HCFC1R1: variants seen among roughly 807,000 people sequenced by gnomAD.
HCFC1R1 encodes host cell factor C1 regulator 1, also known as HCF-1 beta-propeller-interacting protein.
A neutral mutation model predicts 13.3 loss-of-function variants in HCFC1R1; 17 were observed. The observed-to-expected ratio is 1.28, with a 90% CI of 0.87 to 1.91. The LOEUF (loss-of-function observed/expected upper bound fraction) is 1.91, where lower values mean the gene tolerates loss of function less well. Ranked by LOEUF, HCFC1R1 falls within the 40% of genes most tolerant of loss-of-function variation. The probability of loss-of-function intolerance (pLI) is 0.00; values close to 1 mark genes in which losing one functional copy is unlikely to be tolerated. For synonymous variants in HCFC1R1, 87 were observed against 71.1 expected (o/e 1.22, Z -1.12); for missense variants, 218 against 177.9 (o/e 1.23, Z -1.28).
At chr16:3,024,042 C>T, upstream of HCFC1R1, 2 of 979,172 alleles carry the variant, frequency 2.0e-6, no homozygotes, top group Middle Eastern at 2.5e-4. Context: ...GGCACAGCCG[C>T]GAGGTTCTGC....
rs2151129178 is a variant in HCFC1R1, at chr16:3,023,063, G to A, written c.282-65C>T. 3 of 1,559,762 alleles carry A rather than the reference G, an allele frequency of 1.9e-6. No individual in the cohort carries two copies. The South Asian group carries it at 3.6e-5, about 19-fold the overall frequency. ...TGGCCTAGCTGAGCACCTCCCACCAGGTCCAGGTCCCCAGGGGCTCCTGGG... is the reference window on the plus strand; with the variant it reads ...TGGCCTAGCTGAGCACCTCCCACCAAGTCCAGGTCCCCAGGGGCTCCTGGG... On this transcript the variant is annotated intron_variant, in intron 3 of 3. Transcript: ENST00000248089.
upstream of HCFC1R1, chr16:3,024,084 A>C: frequency 1.3e-6 from 1 of 767,528 alleles, no homozygotes; most frequent in Admixed American, 2.8e-5. Flanking sequence ...CGCGTGGCGG[A>C]AGGCAGGCTT....
chr16:3,022,927 C>T lies in HCFC1R1; in HGVS notation c.353G>A (p.Arg118Lys), dbSNP rs776164395. The change falls in exon 4 of 4, where the codon AGG becomes AAG. Residue 118 changes from arginine (R) to lysine (K), a missense_variant. Coordinates refer to ENST00000248089, the MANE Select transcript of HCFC1R1 (RefSeq NM_017885.4). ...SLIPEALRLLRLGDTPSPPYP... is the reference protein window; with the variant it reads ...SLIPEALRLLKLGDTPSPPYP... ...GGGGGGACTGGGGGTGTCCCCCAGC[C>T]TCAGCAGACGGAGGGCCTCAGGGAT... 5.7e-6 allele frequency: 9 copies of T among 1,572,306 alleles called. No homozygotes were observed. Among genetic ancestry groups the T allele is most frequent in the Non-Finnish European group, 6.9e-6 (8 of 1,167,868 alleles).
At chr16:3,023,433 C>G in intron 2 of HCFC1R1, 41 bp downstream of exon 2, 5 of 1,613,900 alleles carry the variant, frequency 3.1e-6, no homozygotes, top group Non-Finnish European at 4.2e-6. Context: ...CCAGAGGTGA[C>G]AGAGATCTTG....
At chr16:3,023,570 G>A in intron 1 of HCFC1R1, 40 bp from the exon 2 acceptor site, 1 of 1,528,026 alleles carries the variant, frequency 6.5e-7, no homozygotes, top group Non-Finnish European at 8.8e-7. Flanking sequence ...CACCCTCTTG[G>A]CCCCTTCCCA....
upstream of HCFC1R1, chr16:3,024,216 C>T: frequency 1.4e-6 from 2 of 1,390,268 alleles, no homozygotes; most frequent in Non-Finnish European, 1.0e-6. Context: ...ACGCACCAGC[C>T]ACCTTCGCGC....
chr16:3,022,809 GTC>G lies in HCFC1R1; in HGVS notation c.*52_*53del, dbSNP rs1187896025. The G allele has an allele frequency of 1.1e-5, 15 of 1,424,540 alleles. No homozygotes were observed. The highest frequency in any genetic ancestry group is 1.4e-5 in the Non-Finnish European group (15 of 1,088,208). The allele number at this position is 1,424,540 out of a possible 1,614,324, so 88.2% of individuals were successfully genotyped here. A position where few individuals can be genotyped will look rare whatever the true frequency, so the allele number is the denominator to read the frequency against. ...CCTTGTCCCTTTGCGGGAGTCGCTG[GTC>G]TCTTCTGTTGTGGGGAAGAAGGAAG... is the stretch of plus-strand genomic sequence containing the variant. On this transcript the variant is annotated 3_prime_UTR_variant, in exon 4 of 4. Coordinates refer to ENST00000248089, the MANE Select transcript of HCFC1R1 (RefSeq NM_017885.4).
rs1323622656 is a variant in HCFC1R1, at chr16:3,022,862, C to T, written c.*1G>A. The T allele has an allele frequency of 6.5e-7, 1 of 1,527,154 alleles. No individual in the cohort carries two copies. The highest frequency in any genetic ancestry group is 8.7e-7 in the Non-Finnish European group (1 of 1,149,278). The allele number at this position is 1,527,154 out of a possible 1,614,324, so 94.6% of individuals were successfully genotyped here. Reference sequence around the variant, plus strand: ...GTGGGAGGGGCACTGTCCACCAGCACTCAGAGCTCCATTATGTCCCCAGCT... The same window carrying T: ...GTGGGAGGGGCACTGTCCACCAGCATTCAGAGCTCCATTATGTCCCCAGCT... On this transcript the variant is annotated 3_prime_UTR_variant, in exon 4 of 4. Transcript: ENST00000248089.
chr16:3,022,933 A>C lies in HCFC1R1; in HGVS notation c.347T>G (p.Leu116Arg). The C allele has an allele frequency of 6.4e-7, 1 of 1,574,460 alleles. No homozygotes were observed. Among genetic ancestry groups the C allele is most frequent in the Non-Finnish European group, 8.6e-7 (1 of 1,168,466 alleles). The change falls in exon 4 of 4, where the codon CTG becomes CGG. Residue 116 changes from leucine to arginine, a missense_variant. Physicochemically the swap from Leu to Arg is moderately radical, Grantham distance 102 (BLOSUM62 -2). Transcript: ENST00000248089. ...ACTGGGGGTGTCCCCCAGCCTCAGC[A>C]GACGGAGGGCCTCAGGGATGAGGCT... The part of the protein sequence containing the change: ...PGSLIPEALR[L>R]LRLGDTPSPP...
chr16:3,023,384 C>T (rs751989333), intron 2 of HCFC1R1, 23 bp from the exon 3 acceptor site: 2 of 1,612,478 alleles, frequency 1.2e-6, no homozygotes, highest in East Asian at 4.5e-5. Context: ...GGCAGAGAGG[C>T]AGGCTGGGAT....
upstream of HCFC1R1, chr16:3,024,204 G>A (rs2072717583): frequency 5.6e-6 from 7 of 1,255,424 alleles, no homozygotes; most frequent in African/African-American, 3.0e-5. Context: ...GTTCGGGACG[G>A]TACGCACCAG....
rs2151128341 is a variant in HCFC1R1, at chr16:3,022,651, GT to G, written c.*211del. The G allele has an allele frequency of 2.3e-6, 1 of 438,242 alleles. No homozygotes were observed. Among genetic ancestry groups the G allele is most frequent in the Admixed American group, 4.5e-5 (1 of 22,020 alleles). 27.1% of individuals were successfully genotyped at this position (438,242 alleles called of 1,614,324 possible). On this transcript the variant is annotated 3_prime_UTR_variant, in exon 4 of 4. Transcript: ENST00000248089. The stretch of plus-strand genomic sequence containing the variant: ...TCCTTTGCTCAGCAATCTTTATTCA[GT>G]TCTTCTTGGGGGTGGGATGCCTCCC...
Position 3,022,742 on chromosome 16 carries a change from G to C in HCFC1R1, c.*121C>G, listed in dbSNP as rs2072636889. The C allele has an allele frequency of 2.2e-6, 2 of 903,374 alleles. No homozygotes were observed. Among genetic ancestry groups the C allele is most frequent in the Non-Finnish European group, 3.1e-6 (2 of 638,456 alleles). 56.0% of individuals were successfully genotyped at this position (903,374 alleles called of 1,614,324 possible). ...GGCTCAGTGTCCTCTGTTGAGGGAA[G>C]GTCTTGGTGCCCAGATGCCTACTCT... On this transcript the variant is annotated 3_prime_UTR_variant, in exon 4 of 4. Coordinates refer to ENST00000248089, the MANE Select transcript of HCFC1R1 (RefSeq NM_017885.4).
At chr16:3,023,983 A>C (rs1032873739), upstream of HCFC1R1, 11 of 1,435,010 alleles carry the variant, frequency 7.7e-6, no homozygotes, top group African/African-American at 8.5e-5. Context: ...GCGACAGGGG[A>C]GGAGTCTCTG....
At chr16:3,023,409 C>A in intron 2 of HCFC1R1, 48 bp from the exon 3 acceptor site, 1 of 1,613,678 alleles carries the variant, frequency 6.2e-7, no homozygotes, top group Non-Finnish European at 8.5e-7. Context: ...ACACAGGAGG[C>A]AGCCTGTTGG....
At chr16:3,023,122 A>T in intron 3 of HCFC1R1, 111 bp downstream of exon 3, 1 of 1,511,764 alleles carries the variant, frequency 6.6e-7, no homozygotes, top group Non-Finnish European at 8.9e-7. Flanking sequence ...AAGATGGGAA[A>T]CAACCCAGAG....
In HCFC1R1 at chr16:3,023,506, G is replaced by A. The variant is rs2072677695; in HGVS notation, c.120C>T (p.Pro40=). 1 of 1,608,418 alleles carries A rather than the reference G, an allele frequency of 6.2e-7. No homozygotes were observed. The highest frequency in any genetic ancestry group is 1.1e-5 in the South Asian group (1 of 90,888). Reference sequence around the variant, plus strand: ...CCTCCAGGCGCCGCTTGGTGCTCATGGGCACAGCTCCTCGGAGAGGGGAGC... The same window carrying A: ...CCTCCAGGCGCCGCTTGGTGCTCATAGGCACAGCTCCTCGGAGAGGGGAGC... ...DASSPLRGAV[P]MSTKRRLEEE... The change falls in exon 2 of 4, where the codon CCC becomes CCT. Residue 40 remains proline, a synonymous_variant. Transcript: ENST00000248089.
In HCFC1R1 at chr16:3,022,783, AC is replaced by A; in HGVS notation, c.*79del. The A allele has an allele frequency of 7.8e-7, 1 of 1,288,770 alleles. No homozygotes were observed. Among genetic ancestry groups the A allele is most frequent in the Non-Finnish European group, 1.0e-6 (1 of 979,416 alleles). The allele number at this position is 1,288,770 out of a possible 1,614,324, so 79.8% of individuals were successfully genotyped here. A position where few individuals can be genotyped will look rare whatever the true frequency, so the allele number is the denominator to read the frequency against. On this transcript the variant is annotated 3_prime_UTR_variant, in exon 4 of 4. Transcript: ENST00000248089. ...TGCCTACTCTGCAGGAGAGGGAGGA[AC>A]CTTGTCCCTTTGCGGGAGTCGCTGG...
rs1289176219 is a variant in HCFC1R1, at chr16:3,022,882, C to G, written c.398G>C (p.Gly133Ala). Residue 133 changes from glycine (G) to alanine (A), a missense_variant, in exon 4 of 4, where the codon GGG (glycine) becomes GCG (alanine). Gly to Ala is a moderately conservative substitution (Grantham distance 60). Coordinates refer to ENST00000248089, the MANE Select transcript of HCFC1R1 (RefSeq NM_017885.4). ...CAGCACTCAGAGCTCCATTATGTCC[C>G]CAGCTGGGGTTGCAGGGTAGGGGGG... ...PSPPYPATPAGDIMEL is the reference protein window; with the variant it reads ...PSPPYPATPAADIMEL 6.5e-7 allele frequency: 1 copy of G among 1,541,554 alleles called. No homozygotes were observed. Among genetic ancestry groups the G allele is most frequent in the Non-Finnish European group, 8.6e-7 (1 of 1,156,528 alleles).
Sources: gnomAD v4.1 joint callset for allele counts on GRCh38, gnomAD v4.1.1 for gene constraint, MANE v1.5 for transcripts, NCBI Gene and HGNC (gene_info 2026-07-23, HGNC 2026-07-21) for gene names.